The following ARFGEF1 variants were observed in gnomAD, a reference collection of about 807,000 sequenced individuals.
ARFGEF1 encodes ARF guanine nucleotide exchange factor 1, also known as brefeldin A-inhibited guanine nucleotide-exchange protein 1.
ARFGEF1 carries 42 observed loss-of-function variants against 231.0 expected under a neutral mutation model. That is an observed-to-expected ratio of 0.18 (90% CI 0.14 to 0.24). ARFGEF1 has a LOEUF of 0.24. ARFGEF1 is among the 10% of genes least tolerant of loss of function. The probability of loss-of-function intolerance (pLI) is 1.00; values close to 1 mark genes in which losing one functional copy is unlikely to be tolerated. For synonymous variants in ARFGEF1, 710 were observed against 732.3 expected (o/e 0.97, Z 0.49); for missense variants, 1,345 against 2,192.0 (o/e 0.61, Z 7.72).
intron 5 of ARFGEF1, chr8:67,177,598 C>A: frequency 1.1e-6 from 1 of 873,726 alleles, no homozygotes; most frequent in Non-Finnish European, 1.9e-6. Context: ...GAGAGCTAGT[C>A]AAAAAAGATA....
intron 9 of ARFGEF1, among the ~76,000 whole-genome samples, chr8:67,272,699 T>A (rs574749684): frequency 2.5e-4 from 38 of 152,308 alleles, no homozygotes; most frequent in Admixed American, 2.4e-3. Context: ...TAAACAATAA[T>A]AAAAAAGTTT....
At chr8:67,286,411 G>T (rs1372578528) in intron 7 of ARFGEF1, among the ~76,000 whole-genome samples, 7 of 152,274 alleles carry the variant, frequency 4.6e-5, no homozygotes, top group African/African-American at 1.7e-4. Context: ...AGATGCTGGT[G>T]AATTTTTTTT....
intron 6 of ARFGEF1, 127 bp downstream of exon 6, chr8:67,291,720 C>G: frequency 4.7e-6 from 6 of 1,275,002 alleles, no homozygotes; most frequent in Non-Finnish European, 6.5e-6. Context: ...GGAAAGTCCA[C>G]AATTACCACA....
Position 67,226,129 on chromosome 8 carries a change from A to T in ARFGEF1, c.3971T>A (p.Val1324Glu). The T allele has an allele frequency of 1.9e-6, 3 of 1,612,944 alleles. No individual in the cohort carries two copies. Among genetic ancestry groups the T allele is most frequent in the Non-Finnish European group, 2.5e-6 (3 of 1,179,368 alleles). ...GCACGCAAATTCAGACAAACACTTC[A>T]CTGCATCCTGGAAAGAATCAATGGT... ...PATIDSFQDA[V>E]KCLSEFACNA... is the part of the protein sequence containing the mutation. The change falls in exon 28 of 39, where the codon GTG becomes GAG. Residue 1324 changes from valine (V) to glutamate (E), a missense_variant. Val to Glu is a moderately radical substitution (Grantham distance 121). This residue lies in a region of ARFGEF1 where 142 missense variants were observed against 227.3 expected (regional missense o/e 0.62). Transcript: ENST00000262215.
intron 19 of ARFGEF1, among the ~76,000 whole-genome samples, chr8:67,246,861 G>GA (rs1324876705): frequency 4.7e-5 from 7 of 149,658 alleles, no homozygotes; most frequent in African/African-American, 1.5e-4. Flanking sequence ...CCAAGACTAA[G>GA]AAAAAAAGAC....
chr8:67,335,470 A>T (rs1808302051), intron 1 of ARFGEF1, among the ~76,000 whole-genome samples: 1 of 152,162 alleles, frequency 6.6e-6, no homozygotes, highest in South Asian at 2.1e-4. Flanking sequence ...ATTCGTTTAT[A>T]AAAAATATCA....
At chr8:67,203,792 G>A (rs1244970230) in intron 35 of ARFGEF1, among the ~76,000 whole-genome samples, 3 of 152,184 alleles carry the variant, frequency 2.0e-5, no homozygotes, top group African/African-American at 4.8e-5. Flanking sequence ...CCATCTCAGT[G>A]AGAAACCAGA....
chr8:67,238,987 T>A, intron 20 of ARFGEF1, 94 bp from the exon 21 acceptor site: 1 of 970,492 alleles, frequency 1.0e-6, no homozygotes, highest in Non-Finnish European at 1.4e-6. Context: ...TTCAGTAAGA[T>A]TTTGTTTTTT....
chr8:67,265,752 C>T (rs1168144305), intron 14 of ARFGEF1, among the ~76,000 whole-genome samples: 1 of 152,024 alleles, frequency 6.6e-6, no homozygotes, highest in Non-Finnish European at 1.5e-5. Context: ...CAAAATTGCA[C>T]AGATGATACC....
At chr8:67,231,178 A>C (rs189699653) in intron 23 of ARFGEF1, among the ~76,000 whole-genome samples, 37 of 152,224 alleles carry the variant, frequency 2.4e-4, no homozygotes, top group Admixed American at 1.8e-3. Flanking sequence ...TTTGAACATA[A>C]CGATATGAAA....
At chr8:67,217,976 T>C (rs770196361) in intron 31 of ARFGEF1, 27 bp downstream of exon 31, 24 of 1,611,816 alleles carry the variant, frequency 1.5e-5, no homozygotes. Context: ...TTTAACACTT[T>C]GTGTCACATA....
At chr8:67,230,595 A>G (rs181155006) in intron 23 of ARFGEF1, among the ~76,000 whole-genome samples, 4 of 152,180 alleles carry the variant, frequency 2.6e-5, no homozygotes. Flanking sequence ...GTATTTTCTG[A>G]TAGGTGAAAT....
At chr8:67,275,952 C>T (rs1362855613) in intron 9 of ARFGEF1, 24 bp downstream of exon 9, 3 of 1,611,362 alleles carry the variant, frequency 1.9e-6, no homozygotes, top group Non-Finnish European at 1.7e-6. Context: ...CTCTATTTGT[C>T]AGGCAAAACA....
chr8:67,201,614 A>G lies in ARFGEF1; in HGVS notation c.5129-9T>C, dbSNP rs370207612. The G allele has an allele frequency of 2.8e-5, 45 of 1,612,876 alleles. No homozygotes were observed. Among genetic ancestry groups the G allele is most frequent in the Non-Finnish European group, 3.7e-5 (44 of 1,179,770 alleles). ...GGATTTGCCTTTGAATCCTGCAGAAAAGGGAAGTTTCTGGGATTAGTTTGG... is the reference window on the plus strand; with the variant it reads ...GGATTTGCCTTTGAATCCTGCAGAAGAGGGAAGTTTCTGGGATTAGTTTGG... On this transcript the variant is annotated splice_polypyrimidine_tract_variant and intron_variant, in intron 36 of 38. Coordinates refer to ENST00000262215, the MANE Select transcript of ARFGEF1 (RefSeq NM_006421.5).
At chr8:67,339,953 G>A (rs1808545925) in intron 1 of ARFGEF1, among the ~76,000 whole-genome samples, 1 of 151,662 alleles carries the variant, frequency 6.6e-6, no homozygotes, top group Admixed American at 6.6e-5. Flanking sequence ...TTTGAGAATG[G>A]ATTGTTTTAA....
chr8:67,302,474 GAA>G lies in ARFGEF1; in HGVS notation c.125-10_125-9del. The G allele has an allele frequency of 4.6e-6, 7 of 1,529,230 alleles. No individual in the cohort carries two copies. The highest frequency in any genetic ancestry group is 2.4e-5 in the East Asian group (1 of 42,346). 94.7% of individuals were successfully genotyped at this position (1,529,230 alleles called of 1,614,324 possible). On this transcript the variant is annotated splice_polypyrimidine_tract_variant and intron_variant, in intron 1 of 38. Coordinates refer to ENST00000262215, the MANE Select transcript of ARFGEF1 (RefSeq NM_006421.5). ...TTTCCGCTTTTATTTCCTCTGAGGG[GAA>G]AAAAAAAGAAGCATACATTAGAAAA...
chr8:67,256,978 G>A (rs947098776), intron 17 of ARFGEF1, among the ~76,000 whole-genome samples: 1 of 152,182 alleles, frequency 6.6e-6, no homozygotes, highest in Non-Finnish European at 1.5e-5. Context: ...GGAGGAAAGA[G>A]ATATAGATAG....
At chr8:67,240,027 A>T in intron 20 of ARFGEF1, 135 bp downstream of exon 20, 1 of 1,194,368 alleles carries the variant, frequency 8.4e-7, no homozygotes, top group Admixed American at 2.8e-5. Context: ...AAACATTAAG[A>T]TTCATTTAAA....
chr8:67,274,643 A>G (rs899903697), intron 9 of ARFGEF1, among the ~76,000 whole-genome samples: 1 of 152,068 alleles, frequency 6.6e-6, no homozygotes, highest in Non-Finnish European at 1.5e-5. Context: ...TTTCATTCTC[A>G]GCATTTTAAA....
Sources: gnomAD v4.1 joint callset for allele counts (sites outside exome capture counted in the v4.1 genomes callset) on GRCh38, gnomAD v4.1.1 for gene constraint, gnomAD v4.1.1 regional missense constraint, MANE v1.5 for transcripts, NCBI Gene and HGNC (gene_info 2026-07-23, HGNC 2026-07-21) for gene names.